B4GALT1: variants seen among roughly 807,000 people sequenced by gnomAD.
B4GALT1 encodes the protein N-acetyllactosamine synthase.
In B4GALT1, 16 loss-of-function variants were observed where a neutral mutation model predicts 34.9. The observed-to-expected ratio is 0.46, with a 90% CI of 0.31 to 0.70. B4GALT1 has a LOEUF of 0.70. Ranked by LOEUF, B4GALT1 falls within the 30% of genes least tolerant of loss-of-function variation. The pLI, the probability that B4GALT1 is intolerant of heterozygous loss-of-function variation, is 0.05. For synonymous variants in B4GALT1, 221 were observed against 218.1 expected, an observed-to-expected ratio of 1.01 and a Z score of -0.12; for missense variants, 445 against 530.5, an observed-to-expected ratio of 0.84 and a Z score of 1.58.
chr9:33,113,411 G>A lies in B4GALT1; in HGVS notation c.*43C>T, dbSNP rs1020457484. The A allele has an allele frequency of 6.2e-7, 1 of 1,613,628 alleles. No individual in the cohort carries two copies. The highest frequency in any genetic ancestry group is 8.5e-7 in the Non-Finnish European group (1 of 1,179,730). On this transcript the variant is annotated 3_prime_UTR_variant, in exon 6 of 6. Transcript: ENST00000379731. ...CAGATTGGCAGAGACACACAGCAGA[G>A]GTCCCTGGCTAATTTCAGGTCTCTT...
chr9:33,128,866 G>A (rs1386911733), intron 2 of B4GALT1, among the ~76,000 whole-genome samples: 2 of 152,242 alleles, frequency 1.3e-5, no homozygotes, highest in Non-Finnish European at 2.9e-5. Flanking sequence ...GTAGGAACCA[G>A]CTGCTTGGAC....
chr9:33,135,213 G>C lies in B4GALT1; in HGVS notation c.624C>G (p.Asp208Glu). 2 of 1,614,012 alleles carry C rather than the reference G, an allele frequency of 1.2e-6. No individual in the cohort carries two copies. ...CCTGGTTGATAACATAGATGCCATA[G>C]TCCAGCTGCTGGCGCTGCAGGACTG... ...LHPVLQRQQL[D>E]YGIYVINQAG... The change falls in exon 2 of 6, where the codon GAC becomes GAG. Residue 208 changes from aspartate (D) to glutamate (E), a missense_variant. Physicochemically the swap from Asp to Glu is conservative, Grantham distance 45. This residue lies in a region of B4GALT1 where 349 missense variants were observed against 395.5 expected (regional missense o/e 0.88). Transcript: ENST00000379731.
At chr9:33,154,455 A>G (rs536535103) in intron 1 of B4GALT1, among the ~76,000 whole-genome samples, 1 of 152,326 alleles carries the variant, frequency 6.6e-6, no homozygotes, top group East Asian at 1.9e-4. Flanking sequence ...TAGCATATCT[A>G]TTTAACATTG....
chr9:33,156,542 A>C (rs1840596603), intron 1 of B4GALT1, among the ~76,000 whole-genome samples: 1 of 152,256 alleles, frequency 6.6e-6, no homozygotes, highest in Non-Finnish European at 1.5e-5. Flanking sequence ...AGATGCAGGC[A>C]CATGGTGGAT....
At chr9:33,124,400 A>G (rs1840064679) in intron 2 of B4GALT1, among the ~76,000 whole-genome samples, 1 of 152,202 alleles carries the variant, frequency 6.6e-6, no homozygotes, top group South Asian at 2.1e-4. Flanking sequence ...TTTATTAGCT[A>G]TGTGACTTGG....
chr9:33,152,309 A>AATAACATAACATAACATAACATAAC, intron 1 of B4GALT1, among the ~76,000 whole-genome samples: 1 of 121,962 alleles, frequency 8.2e-6, no homozygotes, highest in Admixed American at 8.7e-5. Flanking sequence ...CTCTCCAAAA[A>AATAACATAACATAACATAACATAAC]ATAACATAAC....
chr9:33,109,328 T>A (rs564947431), downstream of B4GALT1, among the ~76,000 whole-genome samples: 2 of 152,300 alleles, frequency 1.3e-5, no homozygotes, highest in Admixed American at 1.3e-4. Flanking sequence ...TCTCTCCCCC[T>A]CCCCCATGCC....
the B4GALT1 span, among the ~76,000 whole-genome samples, chr9:33,182,513 A>G: frequency 6.6e-6 from 1 of 152,230 alleles, no homozygotes; most frequent in East Asian, 1.9e-4. Flanking sequence ...GGTATGCTGT[A>G]TCAGACTCCC....
At chr9:33,108,442 G>C (rs1417649699), downstream of B4GALT1, among the ~76,000 whole-genome samples, 1 of 76,072 alleles carries the variant, frequency 1.3e-5, no homozygotes, top group Non-Finnish European at 2.7e-5. Context: ...TTGAAACTCT[G>C]TCTCTAAAAA....
chr9:33,128,066 A>G (rs1840138973), intron 2 of B4GALT1, among the ~76,000 whole-genome samples: 1 of 152,160 alleles, frequency 6.6e-6, no homozygotes, highest in Non-Finnish European at 1.5e-5. Context: ...TGGTGGCAGC[A>G]GCAGTGGCAG....
intron 1 of B4GALT1, among the ~76,000 whole-genome samples, chr9:33,161,963 G>A (rs958557542): frequency 2.0e-5 from 3 of 152,090 alleles, no homozygotes; most frequent in Non-Finnish European, 2.9e-5. Context: ...TGAGCCTGCC[G>A]GCCCTGTTCC....
At chr9:33,144,395 C>T (rs1169360714) in intron 1 of B4GALT1, among the ~76,000 whole-genome samples, 1 of 152,062 alleles carries the variant, frequency 6.6e-6, no homozygotes, top group Non-Finnish European at 1.5e-5. Flanking sequence ...CCACCACACC[C>T]AGCTAATTTT....
At chr9:33,137,628 C>G (rs1272426402) in intron 1 of B4GALT1, among the ~76,000 whole-genome samples, 5 of 130,314 alleles carry the variant, frequency 3.8e-5, no homozygotes, top group Admixed American at 8.5e-5. Context: ...AGTACAAGTA[C>G]AGCATCTCGG....
chr9:33,120,043 G>A (rs779621971), intron 3 of B4GALT1, among the ~76,000 whole-genome samples: 24 of 151,736 alleles, frequency 1.6e-4, no homozygotes, highest in Non-Finnish European at 3.4e-4. Context: ...AATTAGCTGC[G>A]CATGGTGGCA....
chr9:33,121,252 C>T (rs1840016281), intron 2 of B4GALT1, among the ~76,000 whole-genome samples: 1 of 152,222 alleles, frequency 6.6e-6, no homozygotes, highest in Admixed American at 6.5e-5. Context: ...GCCATACACA[C>T]CAGGACAGAA....
At chr9:33,135,134 G>T in intron 2 of B4GALT1, 55 bp downstream of exon 2, 1 of 1,517,380 alleles carries the variant, frequency 6.6e-7, no homozygotes. Flanking sequence ...ACACACATCT[G>T]ATACACATCT....
At position 33,166,892 on chromosome 9, in the gene B4GALT1, T is replaced by C. The variant is rs1840765627; in HGVS notation, c.278A>G (p.Gln93Arg). 3 of 1,580,088 alleles carry C rather than the reference T, an allele frequency of 1.9e-6. No individual in the cohort carries two copies. The highest frequency in any genetic ancestry group is 2.6e-6 in the Non-Finnish European group (3 of 1,169,786). The change falls in exon 1 of 6, where the codon CAG (glutamine) becomes CGG (arginine). Residue 93 changes from glutamine to arginine, a missense_variant. Gln to Arg is a conservative substitution (Grantham distance 43). Coordinates refer to ENST00000379731, the MANE Select transcript of B4GALT1 (RefSeq NM_001497.4). ...RPPPPLGASS[Q>R]PRPGGDSSPV... ...GCTGGAGTCGCCACCCGGGCGCGGCTGGGAGGAGGCGCCTAGAGGAGGCGG... is the reference window on the plus strand; with the variant it reads ...GCTGGAGTCGCCACCCGGGCGCGGCCGGGAGGAGGCGCCTAGAGGAGGCGG...
the B4GALT1 span, chr9:33,174,143 T>A: frequency 1.3e-5 from 2 of 152,730 alleles, no homozygotes; most frequent in Non-Finnish European, 2.9e-5. Context: ...CTCATCACAA[T>A]TGAAGGAAAA....
intron 1 of B4GALT1, among the ~76,000 whole-genome samples, chr9:33,146,537 G>T (rs931213205): frequency 6.6e-6 from 1 of 152,168 alleles, no homozygotes; most frequent in Non-Finnish European, 1.5e-5. Context: ...GAATTCCAGA[G>T]TCACACTTAC....
Sources: gnomAD v4.1 joint callset for allele counts (sites outside exome capture counted in the v4.1 genomes callset) on GRCh38, gnomAD v4.1.1 for gene constraint, gnomAD v4.1.1 regional missense constraint, MANE v1.5 for transcripts, NCBI Gene and HGNC (gene_info 2026-07-23, HGNC 2026-07-21) for gene names.